SIPA1L3: variants seen among roughly 807,000 people sequenced by gnomAD.
SIPA1L3 encodes the protein signal induced proliferation associated 1 like 3.
A neutral mutation model predicts 150.1 loss-of-function variants in SIPA1L3; 59 were observed. The observed-to-expected ratio is 0.39, with a 90% CI of 0.32 to 0.49. The LOEUF (loss-of-function observed/expected upper bound fraction) is 0.49, where lower values mean the gene tolerates loss of function less well. Among genes scored for constraint, SIPA1L3 ranks in the 20% least tolerant of loss-of-function variants. The probability of loss-of-function intolerance (pLI) is 0.86; values close to 1 mark genes in which losing one functional copy is unlikely to be tolerated. For missense variants in SIPA1L3, 2,211 were observed against 2,489.5 expected (o/e 0.89, Z 2.38); for synonymous variants, 1,070 against 1,077.6 (o/e 0.99, Z 0.14).
At position 38,119,837 on chromosome 19, in the gene SIPA1L3, A is replaced by C; in HGVS notation, c.2823A>C (p.Thr941=). ...GAGACCACATCTTCCTACAGGCGACAGAGGGTTCTGTGGAGGACATAAGGG... is the reference window on the plus strand; with the variant it reads ...GAGACCACATCTTCCTACAGGCGACCGAGGGTTCTGTGGAGGACATAAGGG... ...GRGDHIFLQA[T]EGSVEDIREI... Residue 941 remains threonine (T), a synonymous_variant, in exon 9 of 22, where the codon ACA becomes ACC. Coordinates refer to ENST00000222345, the MANE Select transcript of SIPA1L3 (RefSeq NM_015073.3). The C allele has an allele frequency of 6.2e-7, 1 of 1,613,242 alleles. No homozygotes were observed. Among genetic ancestry groups the C allele is most frequent in the Non-Finnish European group, 8.5e-7 (1 of 1,179,962 alleles).
At chr19:37,912,716 C>T (rs1197769328) in intron 1 of SIPA1L3, among the ~76,000 whole-genome samples, 4 of 152,116 alleles carry the variant, frequency 2.6e-5, no homozygotes, top group Non-Finnish European at 5.9e-5. Flanking sequence ...AGACTGGTCT[C>T]GAAGTCCTGG....
In SIPA1L3 at chr19:38,045,826, T is replaced by C. The variant is rs1375814488; in HGVS notation, c.-311+16670T>C. On this transcript the variant is annotated intron_variant, in intron 2 of 21. Coordinates refer to ENST00000222345, the MANE Select transcript of SIPA1L3 (RefSeq NM_015073.3). ...CGCAGGTGGGGAGGAACTGGGTGTG[T>C]TGGAGGAGCAGAGTGCGGGAAGGAA... Among the ~76,000 whole-genome samples the C allele has an allele frequency of 3.9e-5, 6 of 152,032 alleles. No homozygotes were observed. The East Asian group carries it at 1.2e-3, about 29-fold the overall frequency.
At chr19:38,000,221 C>T (rs561947843) in intron 1 of SIPA1L3, among the ~76,000 whole-genome samples, 1 of 152,174 alleles carries the variant, frequency 6.6e-6, no homozygotes, top group East Asian at 1.9e-4. Context: ...AATCCCAGCA[C>T]TTTGGGAGGC....
At chr19:37,996,533 A>G (rs996158419) in intron 1 of SIPA1L3, among the ~76,000 whole-genome samples, 2 of 152,044 alleles carry the variant, frequency 1.3e-5, no homozygotes, top group Non-Finnish European at 2.9e-5. Context: ...AGAACACTTA[A>G]AGTCTACTCT....
At chr19:37,995,694 G>A (rs2145644740) in intron 1 of SIPA1L3, among the ~76,000 whole-genome samples, 1 of 152,288 alleles carries the variant, frequency 6.6e-6, no homozygotes, top group African/African-American at 2.4e-5. Context: ...AAAGCGGGTT[G>A]GGACAGTGTA....
chr19:38,110,131 TG>T, intron 7 of SIPA1L3, 95 bp from the exon 8 acceptor site: 1 of 1,093,392 alleles, frequency 9.1e-7, no homozygotes, highest in Non-Finnish European at 1.3e-6. Flanking sequence ...GGAGTGGGAA[TG>T]GGGGTGGGTG....
chr19:37,925,149 G>A (rs1421591889), intron 1 of SIPA1L3, among the ~76,000 whole-genome samples: 2 of 152,046 alleles, frequency 1.3e-5, no homozygotes, highest in Non-Finnish European at 2.9e-5. Context: ...CCAACACCAC[G>A]ACAAACAGGT....
intron 9 of SIPA1L3, among the ~76,000 whole-genome samples, chr19:38,121,048 A>G (rs1046929313): frequency 2.6e-5 from 4 of 152,186 alleles, no homozygotes; most frequent in African/African-American, 9.6e-5. Context: ...AGGTACAAGA[A>G]TCATTCTGCA....
At chr19:37,924,861 C>T (rs900060475) in intron 1 of SIPA1L3, among the ~76,000 whole-genome samples, 4 of 151,726 alleles carry the variant, frequency 2.6e-5, no homozygotes, top group African/African-American at 9.7e-5. Flanking sequence ...CCAGCCTGGC[C>T]CACATAGTGA....
intron 6 of SIPA1L3, among the ~76,000 whole-genome samples, chr19:38,104,280 A>G: frequency 6.6e-6 from 1 of 152,226 alleles, no homozygotes; most frequent in East Asian, 1.9e-4. Context: ...AGGAACGAGC[A>G]TGTTATTATG....
At chr19:37,922,474 A>G (rs927754773) in intron 1 of SIPA1L3, among the ~76,000 whole-genome samples, 4 of 149,226 alleles carry the variant, frequency 2.7e-5, no homozygotes, top group African/African-American at 7.5e-5. Context: ...GCTAACTGCA[A>G]TCTCCATCTC....
chr19:38,046,049 CA>C lies in SIPA1L3; in HGVS notation c.-311+16894del, dbSNP rs1383449160. 6.6e-6 allele frequency among the ~76,000 whole-genome samples: 1 copy of C among 152,182 alleles called. No individual in the cohort carries two copies. Among genetic ancestry groups the C allele is most frequent in the Non-Finnish European group, 1.5e-5 (1 of 68,034 alleles). On this transcript the variant is annotated intron_variant, in intron 2 of 21. Transcript: ENST00000222345. The surrounding 1 kb of genome is among the most constrained non-coding windows in gnomAD (Gnocchi z 5.6). ...AGGACAGTTTGTACCGCTCCAGGGT[CA>C]CGTCAGAGACTCCAGAGCCGCCTCC...
At chr19:37,931,474 C>T (rs142700795) in intron 1 of SIPA1L3, among the ~76,000 whole-genome samples, 12 of 152,226 alleles carry the variant, frequency 7.9e-5, no homozygotes, top group Admixed American at 2.0e-4. Flanking sequence ...AGGCCGGCCG[C>T]GGTGGCTCAT....
chr19:37,949,525 TGTG>T (rs1426935736), intron 1 of SIPA1L3, among the ~76,000 whole-genome samples: 8 of 152,016 alleles, frequency 5.3e-5, no homozygotes, highest in Admixed American at 4.6e-4. Flanking sequence ...ATTAGCCAGG[TGTG>T]GTGGCGCACG....
chr19:37,921,153 C>T (rs1887048341), intron 1 of SIPA1L3, among the ~76,000 whole-genome samples: 1 of 152,188 alleles, frequency 6.6e-6, no homozygotes, highest in Admixed American at 6.5e-5. Context: ...AGAAAAAGGG[C>T]AAGATGCAGC....
intron 1 of SIPA1L3, among the ~76,000 whole-genome samples, chr19:37,996,600 C>T (rs1967642867): frequency 6.6e-6 from 1 of 152,156 alleles, no homozygotes; most frequent in South Asian, 2.1e-4. Context: ...CCATGATGTA[C>T]AGTAGCTCTC....
intron 1 of SIPA1L3, among the ~76,000 whole-genome samples, chr19:37,961,205 G>C (rs561711070): frequency 1.9e-3 from 279 of 148,892 alleles, no homozygotes; most frequent in Non-Finnish European, 2.9e-3. Flanking sequence ...TTTCTTTAGT[G>C]ATGGGGATCT....
intron 1 of SIPA1L3, among the ~76,000 whole-genome samples, chr19:37,983,580 G>A (rs1324874171): frequency 6.6e-6 from 1 of 152,092 alleles, no homozygotes; most frequent in Non-Finnish European, 1.5e-5. Context: ...TGTTCACCTT[G>A]TGAACCTAAG....
intron 11 of SIPA1L3, among the ~76,000 whole-genome samples, chr19:38,142,158 G>C (rs1971601069): frequency 6.6e-6 from 1 of 152,076 alleles, no homozygotes; most frequent in African/African-American, 2.4e-5. Flanking sequence ...TTTGTTTTAT[G>C]ATGATGACAA....
Sources: allele counts gnomAD v4.1 joint callset (sites outside exome capture counted in the v4.1 genomes callset), GRCh38; gene constraint gnomAD v4.1.1; non-coding constraint Gnocchi (gnomAD v3.1); transcripts MANE v1.5; gene names NCBI Gene and HGNC (gene_info 2026-07-23, HGNC 2026-07-21).